Variants in FN1 observed in about 807,000 individuals in gnomAD.
FN1 encodes the protein fibronectin.
Under a neutral mutation model 297.3 loss-of-function variants are expected in FN1, and 106 were observed. The ratio of observed to expected loss-of-function variants is 0.36; its 90% CI spans 0.30 to 0.42. The LOEUF (loss-of-function observed/expected upper bound fraction) is 0.42. FN1 is among the 10% of genes least tolerant of loss of function. The pLI is 1.00. For synonymous variants in FN1, 1,149 were observed against 1,152.6 expected (o/e 1.00, Z 0.06); for missense variants, 2,690 against 3,124.9 (o/e 0.86, Z 3.32).
chr2:215,416,280 C>T (rs1056229764), intron 12 of FN1, among the ~76,000 whole-genome samples: 29 of 152,238 alleles, frequency 1.9e-4, no homozygotes, highest in African/African-American at 6.7e-4. Context: ...TATTTCCAAG[C>T]CACATGAACA....
intron 40 of FN1, 37 bp from the exon 41 acceptor site, chr2:215,370,469 A>G (rs763789711): frequency 1.3e-6 from 2 of 1,598,276 alleles, no homozygotes; most frequent in South Asian, 2.2e-5. Context: ...GAGAGAAAGC[A>G]TTATAGTGAG....
At chr2:215,389,289 A>C (rs938641768) in intron 26 of FN1, among the ~76,000 whole-genome samples, 1 of 151,920 alleles carries the variant, frequency 6.6e-6, no homozygotes, top group African/African-American at 2.4e-5. Flanking sequence ...TTTTTAATAG[A>C]GACGGGGCTT....
chr2:215,389,467 G>A (rs2059443391), intron 26 of FN1, among the ~76,000 whole-genome samples: 1 of 151,926 alleles, frequency 6.6e-6, no homozygotes, highest in South Asian at 2.1e-4. Context: ...TGATAAGTGT[G>A]TGATTTGGTG....
At chr2:215,385,475 T>C (rs898144957) in intron 28 of FN1, among the ~76,000 whole-genome samples, 8 of 150,394 alleles carry the variant, frequency 5.3e-5, no homozygotes, top group Non-Finnish European at 7.4e-5. Flanking sequence ...GGCAAGAGAA[T>C]TGCTCGAGCC....
At chr2:215,424,420 T>C in intron 7 of FN1, 95 bp from the exon 8 acceptor site, 1 of 1,021,180 alleles carries the variant, frequency 9.8e-7, no homozygotes, top group Non-Finnish European at 1.5e-6. Flanking sequence ...ACTGAGCTTG[T>C]GCCCTCAAAG....
chr2:215,380,539 A>G (rs753452652), intron 33 of FN1: 14 of 494,674 alleles, frequency 2.8e-5, no homozygotes, highest in East Asian at 2.5e-4. Context: ...AGCTTAGGAA[A>G]TAATCCACAA....
At chr2:215,369,804 A>G (rs1424666990) in intron 41 of FN1, among the ~76,000 whole-genome samples, 1 of 152,244 alleles carries the variant, frequency 6.6e-6, no homozygotes, top group Non-Finnish European at 1.5e-5. Context: ...CTGCAGACAG[A>G]AATGCACAAT....
chr2:215,364,527 A>G (rs1321867591), intron 44 of FN1: 2 of 353,094 alleles, frequency 5.7e-6, no homozygotes, highest in Middle Eastern at 9.1e-4. Flanking sequence ...CTGCTTCACT[A>G]TTTTTCAGTG....
intron 2 of FN1, among the ~76,000 whole-genome samples, chr2:215,434,061 T>G (rs2067012796): frequency 6.6e-6 from 1 of 152,172 alleles, no homozygotes; most frequent in Admixed American, 6.5e-5. Context: ...GAGATAGTGC[T>G]ACTGCACTCC....
intron 11 of FN1, among the ~76,000 whole-genome samples, 187 bp downstream of exon 11, chr2:215,420,486 C>T (rs1349132684): frequency 6.6e-6 from 1 of 151,990 alleles, no homozygotes; most frequent in Non-Finnish European, 1.5e-5. Flanking sequence ...CAGCAAAAAC[C>T]AGACGACTAC....
At chr2:215,370,179 G>T in intron 41 of FN1, 115 bp downstream of exon 41, 1 of 1,012,256 alleles carries the variant, frequency 9.9e-7, no homozygotes, top group Non-Finnish European at 1.6e-6. Flanking sequence ...TTGATGTGTT[G>T]CATTAAATCC....
At chr2:215,370,710 C>T (rs759513427) in intron 40 of FN1, among the ~76,000 whole-genome samples, 108 of 152,200 alleles carry the variant, frequency 7.1e-4, no homozygotes, top group Non-Finnish European at 1.4e-3. Context: ...CTAGAGACGG[C>T]CTGCCATTGA....
At position 215,365,609 on chromosome 2, in the gene FN1, A is replaced by G. The variant is rs751614301; in HGVS notation, c.7040T>C (p.Val2347Ala). ...CCACTTCTCTCCAATCTTGTAGTTC[A>G]CACCATTGTCATGGCACCATCCTGT... is the stretch of plus-strand genomic sequence containing the variant. Reference protein sequence around the residue: ...DSSRWCHDNGVNYKIGEKWDR... With the variant: ...DSSRWCHDNGANYKIGEKWDR... The change falls in exon 43 of 46, where the codon GTG becomes GCG. Residue 2347 changes from valine to alanine, a missense_variant. Val to Ala is a moderately conservative substitution (Grantham distance 64). Around this residue, in one of 3 missense-constraint regions of FN1, gnomAD observed 1,743 missense variants for 1,945.2 expected, o/e 0.90. Transcript: ENST00000354785. The G allele has an allele frequency of 1.5e-5, 24 of 1,613,880 alleles. No homozygotes were observed. Among genetic ancestry groups the G allele is most frequent in the Non-Finnish European group, 2.0e-5 (24 of 1,179,958 alleles).
chr2:215,362,278 T>TACA (rs1326061691), intron 44 of FN1, 199 bp from the exon 45 acceptor site: 3 of 591,704 alleles, frequency 5.1e-6, no homozygotes, highest in Non-Finnish European at 9.1e-6. Context: ...ATCTTATACC[T>TACA]ACATCTGTCT....
intron 44 of FN1, 150 bp from the exon 45 acceptor site, chr2:215,362,229 T>C (rs2053606381): frequency 2.9e-6 from 2 of 683,508 alleles, no homozygotes; most frequent in Middle Eastern, 3.2e-4. Flanking sequence ...GATGATTTCA[T>C]GCATTTATAA....
At chr2:215,433,636 G>A (rs1305058742) in intron 2 of FN1, among the ~76,000 whole-genome samples, 175 bp from the exon 3 acceptor site, 1 of 152,168 alleles carries the variant, frequency 6.6e-6, no homozygotes, top group East Asian at 1.9e-4. Flanking sequence ...TAAGGCCATG[G>A]TTTTTGACCT....
chr2:215,396,222 A>G (rs1295568607), intron 23 of FN1, among the ~76,000 whole-genome samples: 1 of 152,212 alleles, frequency 6.6e-6, no homozygotes, highest in Non-Finnish European at 1.5e-5. Context: ...TAAATTAACA[A>G]GTATATGAGG....
In FN1 at chr2:215,379,316, A is replaced by G; in HGVS notation, c.5436T>C (p.Ala1812=). 1.9e-6 allele frequency: 3 copies of G among 1,614,008 alleles called. No individual in the cohort carries two copies. Residue 1812 remains alanine, a splice_region_variant and synonymous_variant, in exon 34 of 46, where the codon GCT becomes GCC. Transcript: ENST00000354785. ...ACTTCAGGTCAGTTGGTGCAGGAAT[A>G]GCTGTCGAGATTGTCATTGGTTAGA... is the stretch of plus-strand genomic sequence containing the variant. ...SQPLIGTQST[A]IPAPTDLKFT... is the part of the protein sequence containing the mutation.
In FN1 at chr2:215,414,956, A is replaced by C. The variant is rs1332468851; in HGVS notation, c.1822T>G (p.Ser608Ala). 1 of 1,613,144 alleles carries C rather than the reference A, an allele frequency of 6.2e-7. No homozygotes were observed. The highest frequency in any genetic ancestry group is 8.5e-7 in the Non-Finnish European group (1 of 1,179,172). ...HCQPLQTYPSSSGPVEVFITE... is the reference protein window; with the variant it reads ...HCQPLQTYPSASGPVEVFITE... ...ATAAATACTTCGACAGGACCACTTG[A>C]GCCTGAAAATGAAAATGTAGCATTT... is the stretch of plus-strand genomic sequence containing the variant. Residue 608 changes from serine to alanine, a missense_variant and splice_region_variant, in exon 13 of 46, where the codon TCA (serine) becomes GCA (alanine). By Grantham distance (99) the Ser-to-Ala change is moderately conservative. This residue lies in a region of FN1 where 876 missense variants were observed against 1,058.1 expected (regional missense o/e 0.83). Coordinates refer to ENST00000354785, the MANE Select transcript of FN1 (RefSeq NM_212482.4).
Sources: gnomAD v4.1 joint callset for allele counts (sites outside exome capture counted in the v4.1 genomes callset) on GRCh38, gnomAD v4.1.1 for gene constraint, gnomAD v4.1.1 regional missense constraint, MANE v1.5 for transcripts, NCBI Gene and HGNC (gene_info 2026-07-23, HGNC 2026-07-21) for gene names.